The following RPGR variants were observed in gnomAD, a reference collection of about 807,000 sequenced individuals.
The protein encoded by RPGR is retinitis pigmentosa GTPase regulator, also known as X-linked retinitis pigmentosa GTPase regulator.
In RPGR, 10 loss-of-function variants were observed where a neutral mutation model predicts 56.3. That is an observed-to-expected ratio of 0.18 (90% CI 0.11 to 0.30). RPGR has a LOEUF of 0.30. RPGR is among the 10% of genes least tolerant of loss of function. The pLI is 1.00. For synonymous variants in RPGR, 197 were observed against 212.9 expected (o/e 0.93, Z 0.65); for missense variants, 538 against 590.9 (o/e 0.91, Z 0.93).
intron 15 of RPGR, among the ~76,000 whole-genome samples, chrX:38,280,804 C>G (rs1007423607): frequency 8.2e-5 from 9 of 110,408 alleles, no homozygotes; most frequent in Non-Finnish European, 1.1e-4. Flanking sequence ...CAAAGTTCTG[C>G]GATTACAGGT....
At chrX:38,308,975 C>T (rs2067655432) in intron 7 of RPGR, among the ~76,000 whole-genome samples, 1 of 111,926 alleles carries the variant, frequency 8.9e-6, no homozygotes, top group Non-Finnish European at 1.9e-5. Context: ...CAAAATTTGT[C>T]TACAACATTT....
chrX:38,315,836 T>TAGAGAGAG (rs1391249160), intron 6 of RPGR, among the ~76,000 whole-genome samples: 4 of 86,888 alleles, frequency 4.6e-5, no homozygotes, highest in East Asian at 3.1e-4. Context: ...TATATATATA[T>TAGAGAGAG]ATAGAGAGAG....
chrX:38,322,683 A>G (rs1158042303), intron 3 of RPGR, among the ~76,000 whole-genome samples, 170 bp downstream of exon 3: 1 of 112,491 alleles, frequency 8.9e-6, no homozygotes, highest in East Asian at 2.7e-4. Context: ...ACCCTAACAT[A>G]TAAAAGCAGT....
In RPGR at chrX:38,269,659, T is replaced by G; in HGVS notation, c.2415A>C (p.Thr805=). ...TTGTACAGGATTTTGATCTTCTCTC[T>G]GTATTTGTTGGTGGGATATTCTGAT... is the stretch of plus-strand genomic sequence containing the variant. The change falls in exon 19 of 19, where the codon ACA becomes ACC. Residue 805 remains threonine (T), a synonymous_variant. Coordinates refer to ENST00000642395, the MANE Select transcript of RPGR (RefSeq NM_000328.3). The G allele has an allele frequency of 8.3e-7, 1 of 1,206,060 alleles. No homozygotes were observed. The highest frequency in any genetic ancestry group is 1.1e-6 in the Non-Finnish European group (1 of 890,347).
Position 38,286,001 on chromosome X carries a change from CCCCTT to C in RPGR, c.1905+1088_1905+1092del. 9.6e-7 allele frequency: 1 copy of C among 1,041,498 alleles called. No homozygotes were observed. Among genetic ancestry groups the C allele is most frequent in the Non-Finnish European group, 1.3e-6 (1 of 795,076 alleles). 85.8% of individuals were successfully genotyped at this position (1,041,498 alleles called of 1,213,427 possible). A position where few individuals can be genotyped will look rare whatever the true frequency, so the allele number is the denominator to read the frequency against. On this transcript the variant is annotated intron_variant, in intron 15 of 18. Coordinates refer to ENST00000642395, the MANE Select transcript of RPGR (RefSeq NM_000328.3). ...TCTTCCTCTCCCTCTCCTTCTTCCT[CCCCTT>C]CTTCTTCCCCTTCCTCCTCTTCCCC...
intron 18 of RPGR, among the ~76,000 whole-genome samples, chrX:38,270,379 C>T (rs1168818772): frequency 2.8e-5 from 3 of 105,356 alleles, no homozygotes; most frequent in African/African-American, 7.0e-5. Context: ...CTTTGGGAGG[C>T]CGAGGCGGGC....
At position 38,299,000 on chromosome X, in the gene RPGR, C is replaced by A; in HGVS notation, c.1201G>T (p.Val401Leu). 1.7e-6 allele frequency: 2 copies of A among 1,211,923 alleles called. No homozygotes were observed. The highest frequency in any genetic ancestry group is 3.5e-5 in the African/African-American group (2 of 57,850). Reference sequence around the variant, plus strand: ...CGTGCTGATAGAGTCCTCTGCAGTACATTTCCTGAGGTTAAACTGCTATAC... The same window carrying A: ...CGTGCTGATAGAGTCCTCTGCAGTAAATTTCCTGAGGTTAAACTGCTATAC... The change falls in exon 10 of 19, where the codon GTA becomes TTA. Residue 401 changes from valine (V) to leucine (L), a missense_variant. Transcript: ENST00000642395.
chrX:38,288,044 GT>G lies in RPGR; in HGVS notation c.1573-4del. ...AGTTCCCCAATTGTTTGTTGTTTCT[GT>G]AAATTTTTTGAAGTAATTATCATAT... is the stretch of plus-strand genomic sequence containing the variant. On this transcript the variant is annotated splice_region_variant and splice_polypyrimidine_tract_variant and intron_variant, in intron 13 of 18. Transcript: ENST00000642395. 8.3e-7 allele frequency: 1 copy of G among 1,206,624 alleles called. No individual in the cohort carries two copies.
chrX:38,299,102 G>A lies in RPGR; in HGVS notation c.1099C>T (p.Pro367Ser), dbSNP rs769641256. The change falls in exon 10 of 19, where the codon CCT (proline) becomes TCT (serine). Residue 367 changes from proline to serine, a missense_variant. Transcript: ENST00000642395. Reference sequence around the variant, plus strand: ...ATTTCTTTTGCCACACCACGATGAGGAGCAGCAAAAACTACCATGTGACAT... The same window carrying A: ...ATTTCTTTTGCCACACCACGATGAGAAGCAGCAAAAACTACCATGTGACAT... The A allele has an allele frequency of 1.1e-5, 13 of 1,211,547 alleles. No individual in the cohort carries two copies. The highest frequency in any genetic ancestry group is 1.7e-5 in the African/African-American group (1 of 57,842).
Position 38,299,078 on chromosome X carries a change from T to C in RPGR, c.1123A>G (p.Ile375Val), listed in dbSNP as rs780403919. 2.5e-6 allele frequency: 3 copies of C among 1,211,740 alleles called. No homozygotes were observed. The highest frequency in any genetic ancestry group is 4.3e-5 in the Admixed American group (2 of 46,011). ...GTATCATTTATTTCATCGAATTCAA[T>C]TTCTTTTGCCACACCACGATGAGGA... Residue 375 changes from isoleucine (I) to valine (V), a missense_variant, in exon 10 of 19, where the codon ATT (isoleucine) becomes GTT (valine). Around this residue, in one of 2 missense-constraint regions of RPGR, gnomAD observed 357 missense variants for 325.8 expected, o/e 1.10. Transcript: ENST00000642395.
intron 11 of RPGR, among the ~76,000 whole-genome samples, chrX:38,291,814 C>T (rs779581141): frequency 8.9e-6 from 1 of 112,228 alleles, no homozygotes; most frequent in Non-Finnish European, 1.9e-5. Flanking sequence ...TGACCTACAA[C>T]GTCCTGGTGT....
At position 38,310,836 on chromosome X, in the gene RPGR, C is replaced by T. The variant is rs773573779; in HGVS notation, c.620-63G>A. 3.9e-5 allele frequency: 43 copies of T among 1,104,545 alleles called. No homozygotes were observed. In the African/African-American group the frequency reaches 6.0e-4, roughly 15 times the overall value. The allele number at this position is 1,104,545 out of a possible 1,213,427, so 91.0% of individuals were successfully genotyped here. ...CATATGAACAAAAAGCTGGTCTTAC[C>T]GTCAAAAAAAAGTTTTGACAAGGAT... On this transcript the variant is annotated intron_variant, in intron 6 of 18. Coordinates refer to ENST00000642395, the MANE Select transcript of RPGR (RefSeq NM_000328.3).
rs140562052 is a variant in RPGR at position 38,297,982 on chromosome X, T to C, written c.1246-530A>G. ...TTTACTTTAAAAAACAGGTATGTCA[T>C]TGGGGCCGGGCTTGGTGGCTCATGC... On this transcript the variant is annotated intron_variant, in intron 10 of 18. Coordinates refer to ENST00000642395, the MANE Select transcript of RPGR (RefSeq NM_000328.3). Among the ~76,000 whole-genome samples, 316 of 112,057 alleles carry C rather than the reference T, an allele frequency of 2.8e-3. 1 individual carries two copies. The highest frequency in any genetic ancestry group is 9.7e-3 in the African/African-American group (299 of 30,855).
chrX:38,325,995 C>T (rs1029325943), intron 1 of RPGR: 1 of 111,868 alleles, frequency 8.9e-6, no homozygotes, highest in East Asian at 2.8e-4. Context: ...AATATTAATA[C>T]GCAAGAGACT....
intron 13 of RPGR, among the ~76,000 whole-genome samples, chrX:38,289,422 A>G (rs779386109): frequency 3.6e-5 from 4 of 112,275 alleles, no homozygotes; most frequent in Non-Finnish European, 7.5e-5. Context: ...TAATACATTA[A>G]CAATACAAAA....
intron 1 of RPGR, chrX:38,326,599 C>T (rs1367369284): frequency 1.8e-5 from 2 of 111,497 alleles, no homozygotes; most frequent in Non-Finnish European, 3.8e-5. Context: ...AAAAAACACT[C>T]GCTAAAGGGT....
intron 15 of RPGR, among the ~76,000 whole-genome samples, chrX:38,281,890 T>C (rs2147181854): frequency 9.2e-6 from 1 of 108,581 alleles, no homozygotes; most frequent in East Asian, 2.9e-4. Flanking sequence ...TTGAGGATAA[T>C]AATGGCTGTT....
At chrX:38,271,618 C>T (rs761466638) in intron 18 of RPGR, among the ~76,000 whole-genome samples, 123 of 111,644 alleles carry the variant, frequency 1.1e-3, no homozygotes, top group African/African-American at 3.8e-3. Flanking sequence ...TGTGGTCTAC[C>T]CTTAAATGAG....
chrX:38,285,262 T>C, intron 15 of RPGR: 1 of 978,612 alleles, frequency 1.0e-6, no homozygotes, highest in African/African-American at 2.0e-5. Flanking sequence ...AATGAATATA[T>C]AATGTTAATA....
Sources: gnomAD v4.1 joint callset for allele counts (sites outside exome capture counted in the v4.1 genomes callset) on GRCh38, gnomAD v4.1.1 for gene constraint, gnomAD v4.1.1 regional missense constraint, MANE v1.5 for transcripts, NCBI Gene and HGNC (gene_info 2026-07-23, HGNC 2026-07-21) for gene names.